Variants in UACA observed in about 807,000 individuals in gnomAD.
The protein encoded by UACA is nuclear membrane binding protein.
A neutral mutation model predicts 160.5 loss-of-function variants in UACA; 112 were observed. That is an observed-to-expected ratio of 0.70 (90% confidence interval 0.60 to 0.82). The LOEUF is 0.82. Ranked by LOEUF, UACA falls within the 40% of genes least tolerant of loss-of-function variation. The pLI is 0.00. For synonymous variants in UACA, 557 were observed against 568.4 expected, an observed-to-expected ratio of 0.98 and a Z score of 0.29; for missense variants, 1,574 against 1,614.6, an observed-to-expected ratio of 0.97 and a Z score of 0.43.
At chr15:70,683,137 C>T (rs1897573114) in intron 8 of UACA, among the ~76,000 whole-genome samples, 1 of 152,020 alleles carries the variant, frequency 6.6e-6, no homozygotes, top group South Asian at 2.1e-4. Flanking sequence ...AGGAGGATCA[C>T]TTGAGGCTAG....
chr15:70,673,737 TAA>T (rs1897215060), intron 13 of UACA, among the ~76,000 whole-genome samples: 1 of 152,244 alleles, frequency 6.6e-6, no homozygotes, highest in African/African-American at 2.4e-5. Flanking sequence ...AGCTACATGT[TAA>T]GTTATTATAC....
At chr15:70,724,128 C>T (rs536906047) in intron 1 of UACA, among the ~76,000 whole-genome samples, 1 of 152,278 alleles carries the variant, frequency 6.6e-6, no homozygotes, top group African/African-American at 2.4e-5. Flanking sequence ...AGTACATGTT[C>T]GAGCTTAGCA....
intron 1 of UACA, among the ~76,000 whole-genome samples, chr15:70,756,129 C>T (rs1039743726): frequency 7.2e-5 from 11 of 151,972 alleles, no homozygotes; most frequent in Non-Finnish European, 1.6e-4. Context: ...CTAAATACAA[C>T]AGTATCACAA....
Position 70,667,815 on chromosome 15 carries a change from G to A in UACA, c.2869C>T (p.Gln957Ter), listed in dbSNP as rs1262673982. 6.2e-7 allele frequency: 1 copy of A among 1,613,748 alleles called. No individual in the cohort carries two copies. Among genetic ancestry groups the A allele is most frequent in the Non-Finnish European group, 8.5e-7 (1 of 1,179,936 alleles). Residue 957 changes from glutamine to a stop codon, truncating the protein, a stop_gained, in exon 16 of 19, where the codon CAA becomes TAA. Transcript: ENST00000322954. LOFTEE classifies it high-confidence loss of function. Reference sequence around the variant, plus strand: ...GCATGCAGTGTCACAATCTCTTCTTGGCCTTTTCTGTAGTTGGCCAAGATT... The same window carrying A: ...GCATGCAGTGTCACAATCTCTTCTTAGCCTTTTCTGTAGTTGGCCAAGATT... ...AEILANYRKG[Q>*]EEIVTLHAEI...
intron 1 of UACA, among the ~76,000 whole-genome samples, chr15:70,751,302 T>C (rs2030038117): frequency 1.3e-5 from 2 of 152,196 alleles, no homozygotes; most frequent in Non-Finnish European, 2.9e-5. Flanking sequence ...AGATACCACT[T>C]ATCTCCCTCA....
At chr15:70,710,995 T>A (rs1328344296) in intron 1 of UACA, among the ~76,000 whole-genome samples, 1 of 152,172 alleles carries the variant, frequency 6.6e-6, no homozygotes, top group Non-Finnish European at 1.5e-5. Context: ...TAATCATGGC[T>A]TGGTCTTTCT....
chr15:70,726,989 C>A (rs1899162878), intron 1 of UACA, among the ~76,000 whole-genome samples: 1 of 152,170 alleles, frequency 6.6e-6, no homozygotes, highest in South Asian at 2.1e-4. Flanking sequence ...GAGCTCTAAT[C>A]CACATGCTCT....
intron 1 of UACA, among the ~76,000 whole-genome samples, chr15:70,752,529 T>TC (rs969027871): frequency 6.7e-6 from 1 of 149,372 alleles, no homozygotes; most frequent in African/African-American, 2.5e-5. Context: ...CTCTCTCCCC[T>TC]CCCCCCCACC....
At position 70,679,623 on chromosome 15, in the gene UACA, C is replaced by T. The variant is rs766284405; in HGVS notation, c.876G>A (p.Glu292=). 16 of 1,586,468 alleles carry T rather than the reference C, an allele frequency of 1.0e-5. No homozygotes were observed. In the Admixed American group the frequency reaches 1.6e-4, roughly 16 times the overall value. ...DEVNVKSHQR[E]HQNIQDLEIE... Reference sequence around the variant, plus strand: ...TTCTTTTTACCTGAATATTTTGATGCTCCCTCTGATGTGACTTCACATTTA... The same window carrying T: ...TTCTTTTTACCTGAATATTTTGATGTTCCCTCTGATGTGACTTCACATTTA... The change falls in exon 10 of 19, where the codon GAG becomes GAA. Residue 292 remains glutamate, a synonymous_variant. Coordinates refer to ENST00000322954, the MANE Select transcript of UACA (RefSeq NM_018003.4).
At chr15:70,711,433 G>A (rs973677031) in intron 1 of UACA, among the ~76,000 whole-genome samples, 6 of 151,502 alleles carry the variant, frequency 4.0e-5, no homozygotes, top group African/African-American at 1.5e-4. Context: ...AGGCCAAGGC[G>A]GGCAGATCAC....
chr15:70,766,868 A>C (rs1241693421), upstream of UACA, among the ~76,000 whole-genome samples: 1 of 152,250 alleles, frequency 6.6e-6, no homozygotes, highest in Non-Finnish European at 1.5e-5. Context: ...AACACAGTCG[A>C]CAGATGCTCA....
intron 1 of UACA, among the ~76,000 whole-genome samples, chr15:70,735,604 A>G (rs910390159): frequency 4.6e-5 from 7 of 152,196 alleles, no homozygotes; most frequent in African/African-American, 1.4e-4. Flanking sequence ...CATGTCACAT[A>G]TATGTAAATA....
chr15:70,751,070 G>A (rs2030022184), intron 1 of UACA, among the ~76,000 whole-genome samples: 1 of 151,894 alleles, frequency 6.6e-6, no homozygotes, highest in Admixed American at 6.6e-5. Context: ...AGCAGCAGCA[G>A]CAGCTTATCC....
At chr15:70,743,110 C>T (rs934098886) in intron 1 of UACA, among the ~76,000 whole-genome samples, 1 of 152,170 alleles carries the variant, frequency 6.6e-6, no homozygotes, top group African/African-American at 2.4e-5. Context: ...AACCACAAGC[C>T]TCTCTTAGCT....
intron 2 of UACA, among the ~76,000 whole-genome samples, chr15:70,697,555 C>A (rs1898173933): frequency 6.6e-6 from 1 of 152,180 alleles, no homozygotes; most frequent in Non-Finnish European, 1.5e-5. Context: ...TCAAGAAGCA[C>A]ATGTTCTTTT....
intron 17 of UACA, among the ~76,000 whole-genome samples, chr15:70,663,467 TCAAA>T (rs1333163697): frequency 5.3e-5 from 8 of 152,198 alleles, no homozygotes; most frequent in Admixed American, 3.3e-4. Flanking sequence ...CTCAGGGATC[TCAAA>T]GTAGAAATAC....
chr15:70,671,113 A>G, intron 14 of UACA, 22 bp from the exon 15 acceptor site: 1 of 1,524,976 alleles, frequency 6.6e-7, no homozygotes, highest in Non-Finnish European at 9.0e-7. Flanking sequence ...CAAATGAATG[A>G]CATTTTAACT....
intron 1 of UACA, among the ~76,000 whole-genome samples, chr15:70,726,303 G>A (rs1346702774): frequency 6.6e-6 from 1 of 151,988 alleles, no homozygotes; most frequent in East Asian, 1.9e-4. Context: ...CCTTCACCTG[G>A]CAACAAAGGA....
chr15:70,677,108 C>T lies in UACA; in HGVS notation c.1032G>A (p.Glu344=), dbSNP rs1897324112. 1.9e-6 allele frequency: 3 copies of T among 1,603,080 alleles called. No homozygotes were observed. Reference sequence around the variant, plus strand: ...GGTTTAAAATAAAATGTCACCCTACCTCGCTTTCCAGATCATCAGCAACCA... The same window carrying T: ...GGTTTAAAATAAAATGTCACCCTACTTCGCTTTCCAGATCATCAGCAACCA... ...EVMVADDLES[E]REKLKSLLAA... Residue 344 remains glutamate (E), a splice_region_variant and synonymous_variant, in exon 12 of 19, where the codon GAG becomes GAA. Transcript: ENST00000322954.
Sources: gnomAD v4.1 joint callset for allele counts (sites outside exome capture counted in the v4.1 genomes callset) on GRCh38, gnomAD v4.1.1 for gene constraint, MANE v1.5 for transcripts, NCBI Gene and HGNC (gene_info 2026-07-23, HGNC 2026-07-21) for gene names.